Variants in CIP2A observed in about 807,000 individuals in gnomAD.
The protein encoded by CIP2A is cellular inhibitor of PP2A.
In CIP2A, 103 loss-of-function variants were observed where a neutral mutation model predicts 110.9. The observed-to-expected ratio is 0.93, with a 90% CI of 0.79 to 1.09. CIP2A has a LOEUF of 1.09. CIP2A is among the 50% of genes least tolerant of loss of function. The pLI is 0.00. For missense variants in CIP2A, 1,088 were observed against 1,038.4 expected, an observed-to-expected ratio of 1.05 and a Z score of -0.66; for synonymous variants, 381 against 361.6, an observed-to-expected ratio of 1.05 and a Z score of -0.61.
rs1356415004 is a variant in CIP2A at position 108,566,657 on chromosome 3, A to G, written c.1274-19T>C. The G allele has an allele frequency of 6.6e-7, 1 of 1,514,382 alleles. No homozygotes were observed. The allele number at this position is 1,514,382 out of a possible 1,614,324, so 93.8% of individuals were successfully genotyped here. A position where few individuals can be genotyped will look rare whatever the true frequency, so the allele number is the denominator to read the frequency against. On this transcript the variant is annotated intron_variant, in intron 10 of 20. Coordinates refer to ENST00000295746, the MANE Select transcript of CIP2A (RefSeq NM_020890.3). ...CAGAGAGGTTAAGTTTTGTTAAGAT[A>G]TACAACAAAAAAATTCTCACTTTAT...
chr3:108,575,336 A>G (rs1322313940), intron 8 of CIP2A, among the ~76,000 whole-genome samples: 1 of 149,096 alleles, frequency 6.7e-6, no homozygotes, highest in East Asian at 2.0e-4. Context: ...ACACGTGTAT[A>G]TATACATATA....
rs188684903 is a variant in CIP2A at position 108,583,891 on chromosome 3, A to G, written c.251-808T>C. On this transcript the variant is annotated intron_variant, in intron 2 of 20. Coordinates refer to ENST00000295746, the MANE Select transcript of CIP2A (RefSeq NM_020890.3). The stretch of plus-strand genomic sequence containing the variant: ...ATGTACCCCATAAGTTTGTATAAAT[A>G]TTATGTATCTGTGAAAAAATTAATT... 3.9e-3 allele frequency among the ~76,000 whole-genome samples: 591 copies of G among 152,322 alleles called. 1 individual carries two copies. The highest frequency in any genetic ancestry group is 5.7e-3 in the Non-Finnish European group (385 of 68,002).
chr3:108,576,235 T>C (rs1489038699), intron 8 of CIP2A, 36 bp downstream of exon 8: 1 of 1,369,116 alleles, frequency 7.3e-7, no homozygotes, highest in Non-Finnish European at 1.0e-6. Context: ...TTTGCAGTTT[T>C]TAAAAGTTTA....
In CIP2A at chr3:108,552,253, C is replaced by A. The variant is rs899058352; in HGVS notation, c.2528G>T (p.Arg843Ile). ...TCTTACCTTAATGCTCAACTCTTTT[C>A]TTATCTGTTCTGTTCTGCTTAATTC... ...RKELSRTEQI[R>I]KELSIKASSL... Residue 843 changes from arginine to isoleucine, a missense_variant, in exon 20 of 21, where the codon AGA becomes ATA. Arg to Ile is a moderately conservative substitution (Grantham distance 97, BLOSUM62 -3). Coordinates refer to ENST00000295746, the MANE Select transcript of CIP2A (RefSeq NM_020890.3). 1 of 1,559,132 alleles carries A rather than the reference C, an allele frequency of 6.4e-7. No homozygotes were observed.
At chr3:108,567,601 T>C (rs1938231179) in intron 10 of CIP2A, among the ~76,000 whole-genome samples, 1 of 151,922 alleles carries the variant, frequency 6.6e-6, no homozygotes. Context: ...GCAGTGAAAC[T>C]AAAAGGTTTC....
At chr3:108,570,643 G>A (rs1011548372) in intron 8 of CIP2A, among the ~76,000 whole-genome samples, 5 of 151,994 alleles carry the variant, frequency 3.3e-5, no homozygotes, top group African/African-American at 9.7e-5. Context: ...GATCAAAAAC[G>A]GTACACCTGT....
chr3:108,551,408 A>AT, intron 20 of CIP2A, 89 bp from the exon 21 acceptor site: 1 of 918,234 alleles, frequency 1.1e-6, no homozygotes, highest in Non-Finnish European at 1.6e-6. Context: ...AGATGCTTTT[A>AT]TTTTTTATTG....
Position 108,557,332 on chromosome 3 carries a change from T to A in CIP2A, c.2096A>T (p.Glu699Val), listed in dbSNP as rs778172609. ...AATATCACTCTGCGCTCTTTCTGAT[T>A]CAACTTGCTGCGCCTTCAGCAACAC... is the stretch of plus-strand genomic sequence containing the variant. Reference protein sequence around the residue: ...LSVLLKAQQVESERAQSDIEH... With the variant: ...LSVLLKAQQVVSERAQSDIEH... Residue 699 changes from glutamate to valine, a missense_variant, in exon 17 of 21, where the codon GAA becomes GTA. Transcript: ENST00000295746. 13 of 1,612,774 alleles carry A rather than the reference T, an allele frequency of 8.1e-6. No homozygotes were observed. In the Admixed American group the frequency reaches 2.0e-4, roughly 25 times the overall value.
Position 108,563,114 on chromosome 3 carries a change from AT to A in CIP2A, c.1634+11del. On this transcript the variant is annotated intron_variant, in intron 13 of 20. Coordinates refer to ENST00000295746, the MANE Select transcript of CIP2A (RefSeq NM_020890.3). Reference sequence around the variant, plus strand: ...CACCACAAGAGATACACTGCAAATGATTACAACTCACACTAAAGCAGGAAAA... The same window carrying A: ...CACCACAAGAGATACACTGCAAATGATACAACTCACACTAAAGCAGGAAAA... 1 of 1,529,306 alleles carries A rather than the reference AT, an allele frequency of 6.5e-7. No individual in the cohort carries two copies. The highest frequency in any genetic ancestry group is 9.1e-7 in the Non-Finnish European group (1 of 1,103,026). 94.7% of individuals were successfully genotyped at this position (1,529,306 alleles called of 1,614,324 possible).
In CIP2A at chr3:108,575,281, C is replaced by T. The variant is rs1278502123; in HGVS notation, c.894+990G>A. On this transcript the variant is annotated intron_variant, in intron 8 of 20. Transcript: ENST00000295746. ...ATGTACATGTGTATATACACACACA[C>T]GTGTACGTACACACACGTGTACGTA... is the stretch of plus-strand genomic sequence containing the variant. Among the ~76,000 whole-genome samples, 4 of 130,446 alleles carry T rather than the reference C, an allele frequency of 3.1e-5. No individual in the cohort carries two copies. The East Asian group carries it at 5.9e-4, about 19-fold the overall frequency. The allele number at this position is 130,446 out of a possible 152,430, so 85.6% of individuals were successfully genotyped here. A position where few individuals can be genotyped will look rare whatever the true frequency, so the allele number is the denominator to read the frequency against.
chr3:108,558,621 G>A (rs953589298), intron 16 of CIP2A, among the ~76,000 whole-genome samples: 33 of 152,218 alleles, frequency 2.2e-4, no homozygotes, highest in Non-Finnish European at 3.2e-4. Context: ...AGAGATAAGC[G>A]TAGGTTTGAT....
In CIP2A at chr3:108,560,034, T is replaced by C. The variant is rs1181233225; in HGVS notation, c.1828-6A>G. ...TCACAAATCTGATCCTTTACCTACA[T>C]TTTAAGAGTAAAAAAACTTAAAATT... On this transcript the variant is annotated splice_region_variant and splice_polypyrimidine_tract_variant and intron_variant, in intron 14 of 20. Coordinates refer to ENST00000295746, the MANE Select transcript of CIP2A (RefSeq NM_020890.3). The C allele has an allele frequency of 5.2e-6, 8 of 1,540,552 alleles. No individual in the cohort carries two copies. Among genetic ancestry groups the C allele is most frequent in the South Asian group, 1.2e-5 (1 of 82,926 alleles).
In CIP2A at chr3:108,566,552, T is replaced by C; in HGVS notation, c.1360A>G (p.Thr454Ala). Residue 454 changes from threonine to alanine, a missense_variant, in exon 11 of 21, where the codon ACA becomes GCA. Thr to Ala is a moderately conservative substitution (Grantham distance 58). Coordinates refer to ENST00000295746, the MANE Select transcript of CIP2A (RefSeq NM_020890.3). ...AATCCCAGGTCAATCTTGCCATATG[T>C]AAATTGTTGTTCTATAAGAGTGGTA... ...KCTTLIEQQFTYGKIDLGFGT... is the reference protein window; with the variant it reads ...KCTTLIEQQFAYGKIDLGFGT... 1.2e-6 allele frequency: 2 copies of C among 1,608,218 alleles called. No homozygotes were observed. Among genetic ancestry groups the C allele is most frequent in the Non-Finnish European group, 8.5e-7 (1 of 1,176,932 alleles).
In CIP2A at chr3:108,550,022, T is replaced by C. The variant is rs546956312; in HGVS notation, c.*1127A>G. ...ATGTTTTACTCTGCATAATATTTTT[T>C]AAAAAATTTCCAGAACTGTACAAAT... On this transcript the variant is annotated 3_prime_UTR_variant, in exon 21 of 21. Coordinates refer to ENST00000295746, the MANE Select transcript of CIP2A (RefSeq NM_020890.3). 6.6e-6 allele frequency: 1 copy of C among 152,120 alleles called. No homozygotes were observed. Among genetic ancestry groups the C allele is most frequent in the East Asian group, 1.9e-4 (1 of 5,190 alleles). The allele number at this position is 152,120 out of a possible 1,614,324, so 9.4% of individuals were successfully genotyped here.
chr3:108,560,178 T>A (rs879387698), intron 14 of CIP2A, 150 bp from the exon 15 acceptor site: 1 of 582,824 alleles, frequency 1.7e-6, no homozygotes, highest in Non-Finnish European at 3.0e-6. Flanking sequence ...TCACAAATAT[T>A]TCTTTTTTTT....
At chr3:108,563,901 G>A (rs1316508859) in intron 12 of CIP2A, among the ~76,000 whole-genome samples, 1 of 151,694 alleles carries the variant, frequency 6.6e-6, no homozygotes, top group Non-Finnish European at 1.5e-5. Context: ...TATCACCTTT[G>A]AGCCTCATTT....
chr3:108,552,084 C>A, intron 20 of CIP2A, 150 bp downstream of exon 20: 1 of 546,942 alleles, frequency 1.8e-6, no homozygotes, highest in Non-Finnish European at 3.1e-6. Flanking sequence ...TTATGAAAAC[C>A]TCATAACAAA....
chr3:108,559,829 T>C lies in CIP2A; in HGVS notation c.1941A>G (p.Lys647=). ...ESRLQDLLET[K]ALALAQADRL... is the part of the protein sequence containing the mutation. ...TATCAGCCTGTGCAAGGGCTAGAGC[T>C]TTTGTTTCCAAAAGATCTTGTAGCC... Residue 647 remains lysine (K), a synonymous_variant, in exon 16 of 21, where the codon AAA becomes AAG. Transcript: ENST00000295746. 1 of 1,607,708 alleles carries C rather than the reference T, an allele frequency of 6.2e-7. No homozygotes were observed. Among genetic ancestry groups the C allele is most frequent in the Non-Finnish European group, 8.5e-7 (1 of 1,175,468 alleles).
At chr3:108,564,145 A>G (rs1163600969) in intron 12 of CIP2A, among the ~76,000 whole-genome samples, 2 of 152,036 alleles carry the variant, frequency 1.3e-5, no homozygotes, top group African/African-American at 2.4e-5. Flanking sequence ...CAGAACTGTG[A>G]TAAGAGCAGA....
Sources: gnomAD v4.1 joint callset for allele counts (sites outside exome capture counted in the v4.1 genomes callset) on GRCh38, gnomAD v4.1.1 for gene constraint, MANE v1.5 for transcripts, NCBI Gene and HGNC (gene_info 2026-07-23, HGNC 2026-07-21) for gene names.